Variants in HTR5A observed in about 807,000 individuals in gnomAD.
HTR5A encodes the protein 5-HT-5.
In HTR5A, 21 loss-of-function variants were observed where a neutral mutation model predicts 24.3. The ratio of observed to expected loss-of-function variants is 0.86; its 90% CI spans 0.61 to 1.24. The LOEUF (loss-of-function observed/expected upper bound fraction) is 1.24, where lower values mean the gene tolerates loss of function less well. HTR5A is among the 50% of genes most tolerant of loss of function. The pLI, the probability that HTR5A is intolerant of heterozygous loss-of-function variation, is 0.00. For synonymous variants in HTR5A, 260 were observed against 213.7 expected (o/e 1.22, Z -1.89); for missense variants, 497 against 489.5 (o/e 1.02, Z -0.15).
rs114312031 is a variant in HTR5A at position 155,086,922 on chromosome 7, T to C, written c.*2435T>C. Among the ~76,000 whole-genome samples, 2,028 of 152,258 alleles carry C rather than the reference T, an allele frequency of 0.013. 42 individuals carry two copies. Among genetic ancestry groups the C allele is most frequent in the African/African-American group, 0.041 (1,698 of 41,536 alleles). ...CGTGCCAGATTGCAACAACCACCTT[T>C]ATTAGATGGTGCACCTAGAGAAGGC... On this transcript the variant is annotated 3_prime_UTR_variant, in exon 2 of 2. Coordinates refer to ENST00000287907, the MANE Select transcript of HTR5A (RefSeq NM_024012.4).
In HTR5A at chr7:155,084,109, G is replaced by A. The variant is rs1294615568; in HGVS notation, c.742-46G>A. The stretch of plus-strand genomic sequence containing the variant: ...TCAGTGTCCAGGCTCAGCCTAGCAG[G>A]TAGACTGAGGTGGCTCCTCATAAAG... On this transcript the variant is annotated intron_variant, in intron 1 of 1. Transcript: ENST00000287907. The A allele has an allele frequency of 2.8e-6, 4 of 1,445,840 alleles. No individual in the cohort carries two copies. The Admixed American group carries it at 7.8e-5, about 28-fold the overall frequency. The allele number at this position is 1,445,840 out of a possible 1,614,324, so 89.6% of individuals were successfully genotyped here.
At chr7:155,079,778 C>T (rs560246133) in intron 1 of HTR5A, among the ~76,000 whole-genome samples, 1 of 152,280 alleles carries the variant, frequency 6.6e-6, no homozygotes, top group African/African-American at 2.4e-5. Context: ...ACAGTTCATG[C>T]TTGTGAATAG....
At chr7:155,081,821 T>A (rs1447739612) in intron 1 of HTR5A, among the ~76,000 whole-genome samples, 1 of 152,110 alleles carries the variant, frequency 6.6e-6, no homozygotes, top group Non-Finnish European at 1.5e-5. Context: ...AGCTGGAGAC[T>A]CTATTGTCCC....
intron 1 of HTR5A, chr7:155,074,583 A>G (rs1040340960): frequency 6.6e-6 from 1 of 150,658 alleles, no homozygotes. Flanking sequence ...CTGAGGGGCT[A>G]ACACCAATAA....
intron 1 of HTR5A, among the ~76,000 whole-genome samples, chr7:155,073,034 T>C (rs907624313): frequency 9.2e-5 from 14 of 152,048 alleles, no homozygotes; most frequent in Admixed American, 9.2e-4. Context: ...TGATTAAGAA[T>C]TGAGGGCCAG....
At position 155,071,075 on chromosome 7, in the gene HTR5A, T is replaced by A. The variant is rs748416296; in HGVS notation, c.176T>A (p.Leu59Gln). The stretch of plus-strand genomic sequence containing the variant: ...GTGGCGGCGACGTTCGCCTGGAACC[T>A]GCTGGTGCTGGCGACCATCCTCCGT... ...FLVAATFAWN[L>Q]LVLATILRVR... is the part of the protein sequence containing the mutation. The change falls in exon 1 of 2, where the codon CTG becomes CAG. Residue 59 changes from leucine to glutamine, a missense_variant. Transcript: ENST00000287907. 3 of 1,608,912 alleles carry A rather than the reference T, an allele frequency of 1.9e-6. No homozygotes were observed. The South Asian group carries it at 3.3e-5, about 18-fold the overall frequency.
rs76065684 is a variant in HTR5A, at chr7:155,083,015, A to G, written c.742-1140A>G. 3.7e-3 allele frequency among the ~76,000 whole-genome samples: 563 copies of G among 152,284 alleles called. 1 individual carries two copies. The highest frequency in any genetic ancestry group is 6.1e-3 in the Non-Finnish European group (415 of 68,026). ...TAAATGTCAGCAAAGCTCTTCTACA[A>G]ATTTGGTAATTTATTCATCAACTAA... On this transcript the variant is annotated intron_variant, in intron 1 of 1. Transcript: ENST00000287907.
chr7:155,086,608 T>A lies in HTR5A; in HGVS notation c.*2121T>A, dbSNP rs551733171. On this transcript the variant is annotated 3_prime_UTR_variant, in exon 2 of 2. Coordinates refer to ENST00000287907, the MANE Select transcript of HTR5A (RefSeq NM_024012.4). The stretch of plus-strand genomic sequence containing the variant: ...AACACCTCTCAGGTGTCACTTAAAT[T>A]ATACATTATATACAACATACTCCAC... Among the ~76,000 whole-genome samples the A allele has an allele frequency of 7.2e-5, 11 of 152,344 alleles. No homozygotes were observed. The highest frequency in any genetic ancestry group is 1.2e-4 in the Non-Finnish European group (8 of 68,026).
chr7:155,084,910 G>T lies in HTR5A; in HGVS notation c.*423G>T. The T allele has an allele frequency of 5.8e-6, 1 of 171,938 alleles. No individual in the cohort carries two copies. Among genetic ancestry groups the T allele is most frequent in the Non-Finnish European group, 1.2e-5 (1 of 81,580 alleles). The allele number at this position is 171,938 out of a possible 1,614,324, so 10.7% of individuals were successfully genotyped here. Reference sequence around the variant, plus strand: ...AGACCTCTGAGGGTAGGAGACCATAGTTCCAGGCTTTCTGGCACAGTCCCC... The same window carrying T: ...AGACCTCTGAGGGTAGGAGACCATATTTCCAGGCTTTCTGGCACAGTCCCC... On this transcript the variant is annotated 3_prime_UTR_variant, in exon 2 of 2. Transcript: ENST00000287907.
chr7:155,081,346 C>A (rs1457312118), intron 1 of HTR5A, among the ~76,000 whole-genome samples: 1 of 152,228 alleles, frequency 6.6e-6, no homozygotes, highest in Admixed American at 6.5e-5. Context: ...AATAAAAGAA[C>A]ATACCAGATT....
intron 1 of HTR5A, among the ~76,000 whole-genome samples, chr7:155,082,146 C>T (rs1051416409): frequency 2.0e-5 from 3 of 148,332 alleles, no homozygotes; most frequent in Admixed American, 6.6e-5. Flanking sequence ...TCCAGCGTGA[C>T]CAGCATCCAC....
At chr7:155,078,141 C>T (rs1031152752) in intron 1 of HTR5A, among the ~76,000 whole-genome samples, 51 of 152,142 alleles carry the variant, frequency 3.4e-4, no homozygotes, top group African/African-American at 1.2e-3. Flanking sequence ...CTTATCTCAG[C>T]TCTCAAATCT....
chr7:155,084,557 A>G lies in HTR5A; in HGVS notation c.*70A>G. The G allele has an allele frequency of 7.8e-7, 1 of 1,283,362 alleles. No individual in the cohort carries two copies. Among genetic ancestry groups the G allele is most frequent in the Non-Finnish European group, 1.1e-6 (1 of 915,604 alleles). The allele number at this position is 1,283,362 out of a possible 1,614,324, so 79.5% of individuals were successfully genotyped here. A position where few individuals can be genotyped will look rare whatever the true frequency, so the allele number is the denominator to read the frequency against. Reference sequence around the variant, plus strand: ...GGAATTCCCAGTTCATCCATTTCCCATCCCCACCCAACAGCCATGTGGACG... The same window carrying G: ...GGAATTCCCAGTTCATCCATTTCCCGTCCCCACCCAACAGCCATGTGGACG... On this transcript the variant is annotated 3_prime_UTR_variant, in exon 2 of 2. Transcript: ENST00000287907.
In HTR5A at chr7:155,070,888, C is replaced by T. The variant is rs1226999952; in HGVS notation, c.-12C>T. The T allele has an allele frequency of 2.5e-6, 4 of 1,591,438 alleles. No homozygotes were observed. Among genetic ancestry groups the T allele is most frequent in the South Asian group, 2.2e-5 (2 of 89,938 alleles). On this transcript the variant is annotated 5_prime_UTR_variant, in exon 1 of 2. Transcript: ENST00000287907. ...TTCTGCAAGTACCCCAGGGCGGTCT[C>T]CTGACCCAGAGATGGATTTACCTGT...
intron 1 of HTR5A, among the ~76,000 whole-genome samples, chr7:155,081,124 T>G (rs1795412401): frequency 1.3e-5 from 2 of 152,210 alleles, no homozygotes; most frequent in South Asian, 4.1e-4. Flanking sequence ...CCTTGATGTG[T>G]AAGGCCATTT....
chr7:155,072,452 C>T (rs1795308017), intron 1 of HTR5A, among the ~76,000 whole-genome samples: 1 of 152,210 alleles, frequency 6.6e-6, no homozygotes, highest in African/African-American at 2.4e-5. Flanking sequence ...GTATTTACTG[C>T]ATGACAACCA....
At chr7:155,071,989 G>A (rs946873038) in intron 1 of HTR5A, among the ~76,000 whole-genome samples, 5 of 152,088 alleles carry the variant, frequency 3.3e-5, no homozygotes, top group Non-Finnish European at 7.4e-5. Context: ...TCTGGGGTAC[G>A]CTGATTCAGT....
At chr7:155,083,795 TA>T (rs141634966) in intron 1 of HTR5A, among the ~76,000 whole-genome samples, 2,026 of 152,270 alleles carry the variant, frequency 0.013, 39 homozygotes, top group African/African-American at 0.041. Context: ...AGGATTTTGA[TA>T]GGAACTTAGG....
chr7:155,076,312 T>C lies in HTR5A; in HGVS notation c.741+4672T>C, dbSNP rs573237426. ...ATTTGTTGTCCATTTTTAGAGTACC[T>C]GAAGGAGATGTTTCTATAGTATGTT... On this transcript the variant is annotated intron_variant, in intron 1 of 1. Coordinates refer to ENST00000287907, the MANE Select transcript of HTR5A (RefSeq NM_024012.4). Among the ~76,000 whole-genome samples the C allele has an allele frequency of 1.4e-3, 211 of 152,318 alleles. 1 individual carries two copies. The highest frequency in any genetic ancestry group is 2.3e-3 in the Non-Finnish European group (158 of 68,024).
Sources: allele counts gnomAD v4.1 joint callset (sites outside exome capture counted in the v4.1 genomes callset), GRCh38; gene constraint gnomAD v4.1.1; transcripts MANE v1.5; gene names NCBI Gene and HGNC (gene_info 2026-07-23, HGNC 2026-07-21).